KIRREL1: variants seen among roughly 807,000 people sequenced by gnomAD.
The protein encoded by KIRREL1 is kirre like nephrin family adhesion molecule 1, also known as kin of IRRE-like protein 1.
A neutral mutation model predicts 83.3 loss-of-function variants in KIRREL1; 25 were observed. That is an observed-to-expected ratio of 0.30 (90% confidence interval 0.22 to 0.42). The LOEUF is 0.42. Among genes scored for constraint, KIRREL1 ranks in the 10% least tolerant of loss-of-function variants. The probability of loss-of-function intolerance (pLI) is 1.00; values close to 1 mark genes in which losing one functional copy is unlikely to be tolerated. For missense variants in KIRREL1, 812 were observed against 1,032.3 expected, an observed-to-expected ratio of 0.79 and a Z score of 2.92; for synonymous variants, 388 against 410.4, an observed-to-expected ratio of 0.95 and a Z score of 0.66.
chr1:158,017,907 A>G (rs1160967465), intron 1 of KIRREL1, among the ~76,000 whole-genome samples: 1 of 151,558 alleles, frequency 6.6e-6, no homozygotes, highest in East Asian at 1.9e-4. Context: ...AAAAGATTCC[A>G]GTTAAAAATC....
intron 13 of KIRREL1, 132 bp downstream of exon 13, chr1:158,093,894 C>A (rs1392546185): frequency 2.2e-6 from 2 of 926,722 alleles, no homozygotes; most frequent in Non-Finnish European, 3.3e-6. Context: ...CACACACACT[C>A]TCCCACACTC....
intron 1 of KIRREL1, among the ~76,000 whole-genome samples, chr1:158,065,123 A>T (rs1333068946): frequency 1.3e-5 from 2 of 151,966 alleles, no homozygotes; most frequent in Admixed American, 1.3e-4. Flanking sequence ...TCAAGGAGAG[A>T]ATGCCCTCCT....
chr1:158,026,543 T>C (rs1660178136), intron 1 of KIRREL1, among the ~76,000 whole-genome samples: 1 of 152,170 alleles, frequency 6.6e-6, no homozygotes, highest in South Asian at 2.1e-4. Flanking sequence ...TTGGTTATCA[T>C]CCCAGCTATA....
intron 1 of KIRREL1, among the ~76,000 whole-genome samples, chr1:158,059,282 CT>C (rs1661148374): frequency 6.6e-6 from 1 of 152,188 alleles, no homozygotes; most frequent in East Asian, 1.9e-4. Flanking sequence ...CATCAAGTCC[CT>C]TTTTCCGGAG....
At chr1:158,089,199 C>G (rs756717497) in intron 8 of KIRREL1, among the ~76,000 whole-genome samples, 2 of 152,192 alleles carry the variant, frequency 1.3e-5, no homozygotes, top group Non-Finnish European at 2.9e-5. Flanking sequence ...TGTCATTTGG[C>G]AATGAAAACA....
intron 1 of KIRREL1, among the ~76,000 whole-genome samples, chr1:157,999,612 T>C (rs1391903690): frequency 6.6e-6 from 1 of 152,010 alleles, no homozygotes; most frequent in East Asian, 1.9e-4. Context: ...TGTCCAGAGA[T>C]GAGAAAGTTA....
At chr1:158,038,665 T>C (rs776112158) in intron 1 of KIRREL1, among the ~76,000 whole-genome samples, 5 of 151,940 alleles carry the variant, frequency 3.3e-5, no homozygotes, top group Admixed American at 6.6e-5. Context: ...TAGTGTGTGG[T>C]AGGAGTGATT....
chr1:158,065,127 C>T (rs889237300), intron 1 of KIRREL1, among the ~76,000 whole-genome samples: 1 of 152,046 alleles, frequency 6.6e-6, no homozygotes, highest in East Asian at 1.9e-4. Context: ...GGAGAGAATG[C>T]CCTCCTCACT....
chr1:158,033,511 C>T (rs979339917), intron 1 of KIRREL1, among the ~76,000 whole-genome samples: 3 of 152,212 alleles, frequency 2.0e-5, no homozygotes, highest in Non-Finnish European at 4.4e-5. Flanking sequence ...TTTTTGGCAT[C>T]AGTGCTCCAC....
rs142952090 is a variant in KIRREL1 at position 158,024,341 on chromosome 1, C to T, written c.52+30613C>T. Among the ~76,000 whole-genome samples the T allele has an allele frequency of 9.2e-3, 1,246 of 135,650 alleles. 14 individuals are homozygous for T. The highest frequency in any genetic ancestry group is 0.035 in the African/African-American group (1,195 of 34,496). 89.0% of individuals were successfully genotyped at this position (135,650 alleles called of 152,430 possible). On this transcript the variant is annotated intron_variant, in intron 1 of 14. Transcript: ENST00000359209. ...TCTCTCAGGCTGGAGTGGAGTGGTG[C>T]GATCTCTGCTCACTGCAACCTCCAC...
chr1:158,030,274 A>G (rs1660288367), intron 1 of KIRREL1, among the ~76,000 whole-genome samples: 1 of 152,242 alleles, frequency 6.6e-6, no homozygotes, highest in South Asian at 2.1e-4. Context: ...TCTTTTGAGA[A>G]TCTTATGGAA....
At chr1:158,062,505 C>G (rs546442797) in intron 1 of KIRREL1, among the ~76,000 whole-genome samples, 1 of 152,334 alleles carries the variant, frequency 6.6e-6, no homozygotes, top group African/African-American at 2.4e-5. Context: ...ATGACCCCAA[C>G]CTGGGGATTC....
intron 1 of KIRREL1, among the ~76,000 whole-genome samples, chr1:157,997,557 TG>T (rs1659241430): frequency 2.0e-5 from 3 of 152,128 alleles, no homozygotes; most frequent in Non-Finnish European, 4.4e-5. Context: ...GTATCTCTCA[TG>T]GAAAGAACTA....
At chr1:158,071,182 C>G (rs1275606989) in intron 1 of KIRREL1, among the ~76,000 whole-genome samples, 1 of 152,158 alleles carries the variant, frequency 6.6e-6, no homozygotes, top group Non-Finnish European at 1.5e-5. Context: ...TCTGTCGGCC[C>G]GGCCTGCGTC....
rs529491844 is a variant in KIRREL1 at position 158,000,371 on chromosome 1, G to A, written c.52+6643G>A. ...ATAGCAGCCCTCCTGTGTCTTTAAA[G>A]GCACTACTTTTTGCCTTGCCTTGCA... On this transcript the variant is annotated intron_variant, in intron 1 of 14. Transcript: ENST00000359209. Among the ~76,000 whole-genome samples the A allele has an allele frequency of 4.6e-5, 7 of 152,324 alleles. 1 individual carries two copies. The East Asian group carries it at 1.4e-3, about 29-fold the overall frequency.
chr1:158,096,619 C>CA lies in KIRREL1; in HGVS notation c.*1500dup. 2.2e-6 allele frequency: 1 copy of CA among 456,850 alleles called. No individual in the cohort carries two copies. Among genetic ancestry groups the CA allele is most frequent in the Non-Finnish European group, 4.4e-6 (1 of 226,996 alleles). 28.3% of individuals were successfully genotyped at this position (456,850 alleles called of 1,614,324 possible). On this transcript the variant is annotated 3_prime_UTR_variant, in exon 15 of 15. Transcript: ENST00000359209. ...GAGAAGGTGGTGCGGAAGGGCACCGCAGGCATTACACAGGCCATTTCTCCT... is the reference window on the plus strand; with the variant it reads ...GAGAAGGTGGTGCGGAAGGGCACCGCAAGGCATTACACAGGCCATTTCTCCT...
chr1:158,054,333 C>G (rs867470435), intron 1 of KIRREL1, among the ~76,000 whole-genome samples: 4 of 151,534 alleles, frequency 2.6e-5, no homozygotes, highest in African/African-American at 9.7e-5. Context: ...GGATCTCTTT[C>G]ATAGAAGTTA....
At chr1:158,009,763 G>T (rs1415502341) in intron 1 of KIRREL1, among the ~76,000 whole-genome samples, 1 of 152,232 alleles carries the variant, frequency 6.6e-6, no homozygotes, top group Non-Finnish European at 1.5e-5. Context: ...AAGCAAGGCT[G>T]ATCTTGCCTC....
chr1:158,088,043 G>A lies in KIRREL1; in HGVS notation c.805G>A (p.Glu269Lys), dbSNP rs375932245. 6 of 1,614,098 alleles carry A rather than the reference G, an allele frequency of 3.7e-6. No homozygotes were observed. The highest frequency in any genetic ancestry group is 2.2e-5 in the South Asian group (2 of 91,092). The part of the protein sequence containing the change: ...KGGFLIEDAH[E>K]SRYETNVDYS... ...GGGTTTCTTGATTGAAGACGCCCACGAGAGTCGCTATGAGACAAATGTGGA... is the reference window on the plus strand; with the variant it reads ...GGGTTTCTTGATTGAAGACGCCCACAAGAGTCGCTATGAGACAAATGTGGA... The change falls in exon 7 of 15, where the codon GAG (glutamate) becomes AAG (lysine). Residue 269 changes from glutamate (E) to lysine (K), a missense_variant. This residue lies in a region of KIRREL1 where 472 missense variants were observed against 626.8 expected (regional missense o/e 0.75). Transcript: ENST00000359209.
Sources: gnomAD v4.1 joint callset for allele counts (sites outside exome capture counted in the v4.1 genomes callset) on GRCh38, gnomAD v4.1.1 for gene constraint, gnomAD v4.1.1 regional missense constraint, MANE v1.5 for transcripts, NCBI Gene and HGNC (gene_info 2026-07-23, HGNC 2026-07-21) for gene names.